The following ACSL4 variants were observed in gnomAD, a reference collection of about 807,000 sequenced individuals.
The protein encoded by ACSL4 is acyl-CoA synthetase long chain family member 4.
A neutral mutation model predicts 49.1 loss-of-function variants in ACSL4; 9 were observed. The ratio of observed to expected loss-of-function variants is 0.18; its 90% CI spans 0.11 to 0.32. ACSL4 has a LOEUF of 0.32. Ranked by LOEUF, ACSL4 falls within the 10% of genes least tolerant of loss-of-function variation. The pLI is 1.00. For synonymous variants in ACSL4, 191 were observed against 170.3 expected, an observed-to-expected ratio of 1.12 and a Z score of -0.95; for missense variants, 333 against 493.7, an observed-to-expected ratio of 0.67 and a Z score of 3.08.
chrX:109,720,311 C>G (rs1015331283), intron 1 of ACSL4, among the ~76,000 whole-genome samples: 1 of 108,039 alleles, frequency 9.3e-6, no homozygotes, highest in Non-Finnish European at 1.9e-5. Flanking sequence ...GCCTAGGCAA[C>G]AGAGCGAGAC....
At chrX:109,672,079 T>TAAAAAAAAAA (rs764711316) in intron 9 of ACSL4, among the ~76,000 whole-genome samples, 7 of 37,374 alleles carry the variant, frequency 1.9e-4, no homozygotes, top group Admixed American at 3.5e-4. Context: ...CAATAAATAC[T>TAAAAAAAAAA]AAAAAAAAAA....
chrX:109,701,169 G>A (rs994272968), intron 1 of ACSL4, among the ~76,000 whole-genome samples: 1 of 110,841 alleles, frequency 9.0e-6, no homozygotes, highest in African/African-American at 3.3e-5. Flanking sequence ...TTTACATTTG[G>A]TGGGTAACTT....
At chrX:109,726,864 T>C (rs1420437408) in intron 1 of ACSL4, among the ~76,000 whole-genome samples, 1 of 107,888 alleles carries the variant, frequency 9.3e-6, no homozygotes, top group African/African-American at 3.4e-5. Flanking sequence ...TTTTTTGTTG[T>C]TGTTGTTGTT....
intron 15 of ACSL4, among the ~76,000 whole-genome samples, chrX:109,655,570 G>C (rs2147377981): frequency 9.0e-6 from 1 of 111,099 alleles, no homozygotes; most frequent in South Asian, 3.8e-4. Context: ...AGACACACAG[G>C]GTGGGGGGAA....
chrX:109,705,203 A>G (rs1034998713), intron 1 of ACSL4, among the ~76,000 whole-genome samples: 1 of 112,367 alleles, frequency 8.9e-6, no homozygotes, highest in African/African-American at 3.2e-5. Flanking sequence ...ATATAGGTGT[A>G]ATCATTCTCT....
At chrX:109,731,843 T>C (rs112990421) in intron 1 of ACSL4, among the ~76,000 whole-genome samples, 1,601 of 112,362 alleles carry the variant, frequency 0.014, 30 homozygotes, top group African/African-American at 0.05. Context: ...GGAAGAGGCC[T>C]TACACTGTTA....
intron 1 of ACSL4, among the ~76,000 whole-genome samples, chrX:109,724,529 C>T (rs901496748): frequency 2.7e-5 from 3 of 111,750 alleles, no homozygotes; most frequent in Non-Finnish European, 5.6e-5. Flanking sequence ...TCACTACAAC[C>T]TCCACCTACT....
At chrX:109,698,972 A>G (rs1315395287) in intron 1 of ACSL4, among the ~76,000 whole-genome samples, 1 of 112,763 alleles carries the variant, frequency 8.9e-6, no homozygotes, top group African/African-American at 3.2e-5. Flanking sequence ...TCTGTTGGAA[A>G]TGTTTCAAGC....
intron 1 of ACSL4, among the ~76,000 whole-genome samples, chrX:109,724,985 G>A (rs1423392794): frequency 2.7e-5 from 3 of 110,069 alleles, no homozygotes; most frequent in African/African-American, 9.9e-5. Flanking sequence ...TCAAACTCCT[G>A]GCCTCAAGAG....
intron 1 of ACSL4, among the ~76,000 whole-genome samples, chrX:109,722,508 G>C (rs910405633): frequency 9.0e-6 from 1 of 111,202 alleles, no homozygotes; most frequent in Non-Finnish European, 1.9e-5. Context: ...TTAATTCTTC[G>C]CTAAAATCAA....
At chrX:109,689,600 T>C (rs1924886780) in intron 2 of ACSL4, among the ~76,000 whole-genome samples, 1 of 112,320 alleles carries the variant, frequency 8.9e-6, no homozygotes, top group Admixed American at 9.4e-5. Context: ...CTTGAGGTTC[T>C]CTCTGCCTGG....
chrX:109,682,167 A>T (rs1924216000), intron 4 of ACSL4, among the ~76,000 whole-genome samples: 1 of 112,126 alleles, frequency 8.9e-6, no homozygotes, highest in African/African-American at 3.2e-5. Flanking sequence ...TTCATTCAAC[A>T]AACAACAGAG....
intron 1 of ACSL4, among the ~76,000 whole-genome samples, chrX:109,723,201 T>C (rs1445445648): frequency 9.0e-6 from 1 of 111,652 alleles, no homozygotes; most frequent in East Asian, 2.8e-4. Context: ...TGTTTAATAT[T>C]AGTAATCTGC....
rs757941864 is a variant in ACSL4 at position 109,731,478 on chromosome X, G to A, written c.-66+1661C>T. Among the ~76,000 whole-genome samples, 6 of 106,001 alleles carry A rather than the reference G, an allele frequency of 5.7e-5. No individual in the cohort carries two copies. In the South Asian group the frequency reaches 2.4e-3, roughly 43 times the overall value. 92.0% of individuals were successfully genotyped at this position (106,001 alleles called of 115,157 possible). A position where few individuals can be genotyped will look rare whatever the true frequency, so the allele number is the denominator to read the frequency against. ...CCAATTCATTTCTCTTGTCTGAATT[G>A]AACAAGACTCTTCTTTCTTCACCCA... On this transcript the variant is annotated intron_variant, in intron 1 of 15. Transcript: ENST00000672401.
At chrX:109,672,723 G>T (rs1169346131) in intron 9 of ACSL4, among the ~76,000 whole-genome samples, 1 of 33,411 alleles carries the variant, frequency 3.0e-5, no homozygotes, top group Non-Finnish European at 4.6e-5. Context: ...GGTGCCAATG[G>T]ACTAGCAACA....
At position 109,683,315 on chromosome X, in the gene ACSL4, G is replaced by A. The variant is rs774189485; in HGVS notation, c.49C>T (p.Pro17Ser). 4.1e-6 allele frequency: 5 copies of A among 1,210,382 alleles called. No homozygotes were observed. In the East Asian group the frequency reaches 1.5e-4, roughly 36 times the overall value. Residue 17 changes from proline (P) to serine (S), a missense_variant, in exon 3 of 16, where the codon CCA (proline) becomes TCA (serine). Transcript: ENST00000672401. Reference protein sequence around the residue: ...AKPTSDKPGSPYRSVTHFDSL... With the variant: ...AKPTSDKPGSSYRSVTHFDSL... ...TCGAAGTGTGTGACAGAGCGATATG[G>A]ACTTCCAGGTTTGTCTGAAGTGGGC...
intron 1 of ACSL4, among the ~76,000 whole-genome samples, chrX:109,697,404 A>G (rs187552435): frequency 9.0e-6 from 1 of 111,547 alleles, no homozygotes; most frequent in African/African-American, 3.3e-5. Flanking sequence ...GAACATCCAC[A>G]TAACTGTAAT....
intron 1 of ACSL4, among the ~76,000 whole-genome samples, chrX:109,696,420 A>G (rs965429354): frequency 8.9e-6 from 1 of 112,177 alleles, no homozygotes; most frequent in Admixed American, 9.4e-5. Flanking sequence ...TTGAAACTCT[A>G]TGGAAAAATG....
intron 2 of ACSL4, among the ~76,000 whole-genome samples, chrX:109,683,923 T>G (rs956374153): frequency 1.8e-5 from 2 of 112,095 alleles, no homozygotes; most frequent in Non-Finnish European, 3.8e-5. Flanking sequence ...GGTTTCTAGG[T>G]GTACTGGTAC....
Sources: allele counts gnomAD v4.1 joint callset (sites outside exome capture counted in the v4.1 genomes callset), GRCh38; gene constraint gnomAD v4.1.1; transcripts MANE v1.5; gene names NCBI Gene and HGNC (gene_info 2026-07-23, HGNC 2026-07-21).